Variants in TRPC7 observed in about 807,000 individuals in gnomAD.
TRPC7 encodes the protein short transient receptor potential channel 7.
TRPC7 carries 42 observed loss-of-function variants against 90.1 expected under a neutral mutation model. That is an observed-to-expected ratio of 0.47 (90% CI 0.36 to 0.60). The LOEUF (loss-of-function observed/expected upper bound fraction) is 0.60. TRPC7 is among the 20% of genes least tolerant of loss of function. The probability of loss-of-function intolerance (pLI) is 0.00; values close to 1 mark genes in which losing one functional copy is unlikely to be tolerated. For missense variants in TRPC7, 955 were observed against 1,112.3 expected (o/e 0.86, Z 2.01); for synonymous variants, 451 against 436.3 (o/e 1.03, Z -0.42).
intron 3 of TRPC7, among the ~76,000 whole-genome samples, chr5:136,299,341 G>A (rs1355604608): frequency 3.2e-5 from 1 of 31,674 alleles, no homozygotes; most frequent in African/African-American, 2.2e-4. Context: ...GGGTGTGTGC[G>A]TGTGTGTGTG....
intron 10 of TRPC7, among the ~76,000 whole-genome samples, chr5:136,217,758 C>T (rs1455762156): frequency 1.3e-5 from 2 of 151,916 alleles, no homozygotes; most frequent in African/African-American, 4.8e-5. Flanking sequence ...GGCTCATGCC[C>T]ATAATCTCAG....
At chr5:136,292,944 C>G (rs1235981078) in intron 3 of TRPC7, among the ~76,000 whole-genome samples, 1 of 152,186 alleles carries the variant, frequency 6.6e-6, no homozygotes, top group Admixed American at 6.5e-5. Context: ...AGCTTATCCA[C>G]CATGATCAAG....
rs371987723 is a variant in TRPC7 at position 136,356,935 on chromosome 5, G to A, written c.453C>T (p.Phe151=). The part of the protein sequence containing the change: ...PLEQELRDDD[F]YAYDEDGTRF... ...GCGTGCCGTCCTCGTCGTAGGCATA[G>A]AAGTCGTCGTCGCGCAGCTCCTGTT... The change falls in exon 2 of 12, where the codon TTC becomes TTT. Residue 151 remains phenylalanine, a synonymous_variant. Transcript: ENST00000513104. The A allele has an allele frequency of 1.3e-4, 213 of 1,613,404 alleles. 1 individual carries two copies. In the African/African-American group the frequency reaches 2.6e-3, roughly 20 times the overall value.
chr5:136,319,385 T>C (rs74798528), intron 2 of TRPC7, among the ~76,000 whole-genome samples: 4,286 of 152,036 alleles, frequency 0.028, 94 homozygotes, highest in African/African-American at 0.053. Flanking sequence ...GATGTGGCAA[T>C]CTTCCTTTCT....
intron 8 of TRPC7, among the ~76,000 whole-genome samples, chr5:136,230,715 T>G (rs750756570): frequency 6.6e-6 from 1 of 152,200 alleles, no homozygotes; most frequent in Non-Finnish European, 1.5e-5. Context: ...TTTTGATAAA[T>G]TGCTTCCTGA....
At chr5:136,360,882 A>C (rs943351223) in intron 1 of TRPC7, among the ~76,000 whole-genome samples, 3 of 152,114 alleles carry the variant, frequency 2.0e-5, no homozygotes, top group Non-Finnish European at 4.4e-5. Flanking sequence ...TCTTACCCTA[A>C]TATCCCTCTA....
intron 2 of TRPC7, among the ~76,000 whole-genome samples, chr5:136,349,492 C>A (rs1261452953): frequency 6.6e-6 from 1 of 152,142 alleles, no homozygotes; most frequent in East Asian, 1.9e-4. Flanking sequence ...ATTAATAGTG[C>A]TTATTGTGTA....
intron 2 of TRPC7, among the ~76,000 whole-genome samples, chr5:136,326,884 A>G (rs760698938): frequency 1.2e-4 from 18 of 152,264 alleles, no homozygotes; most frequent in Non-Finnish European, 2.5e-4. Context: ...TGATGGGGAG[A>G]GGGAAAGTGA....
chr5:136,312,996 T>A (rs966451047), intron 3 of TRPC7, among the ~76,000 whole-genome samples: 2 of 139,962 alleles, frequency 1.4e-5, no homozygotes, highest in African/African-American at 5.2e-5. Context: ...TTTTTTTTTT[T>A]AATAGAGACA....
At chr5:136,348,907 C>T (rs1157311679) in intron 2 of TRPC7, among the ~76,000 whole-genome samples, 1 of 152,098 alleles carries the variant, frequency 6.6e-6, no homozygotes, top group African/African-American at 2.4e-5. Context: ...AGAGAAAAAT[C>T]TCTGCATTGC....
chr5:136,250,572 C>A (rs924449539), intron 6 of TRPC7, among the ~76,000 whole-genome samples: 1 of 152,086 alleles, frequency 6.6e-6, no homozygotes, highest in Non-Finnish European at 1.5e-5. Context: ...AAGAAAATGA[C>A]CCAAAAGGTA....
At chr5:136,304,208 A>G (rs905984397) in intron 3 of TRPC7, among the ~76,000 whole-genome samples, 1 of 151,604 alleles carries the variant, frequency 6.6e-6, no homozygotes, top group Non-Finnish European at 1.5e-5. Context: ...GCCCACAAGT[A>G]TAAGATACCT....
chr5:136,296,766 C>T (rs570867310), intron 3 of TRPC7, among the ~76,000 whole-genome samples: 1 of 152,232 alleles, frequency 6.6e-6, no homozygotes, highest in East Asian at 1.9e-4. Context: ...TTTTAAATAG[C>T]TTCCTTATTT....
chr5:136,214,760 G>A (rs1755206336), intron 11 of TRPC7, among the ~76,000 whole-genome samples: 1 of 152,190 alleles, frequency 6.6e-6, no homozygotes, highest in Non-Finnish European at 1.5e-5. Flanking sequence ...GCCCCAGGAT[G>A]AAGCAGAGGG....
intron 2 of TRPC7, among the ~76,000 whole-genome samples, chr5:136,347,037 C>G (rs897982189): frequency 6.6e-6 from 1 of 152,096 alleles, no homozygotes; most frequent in African/African-American, 2.4e-5. Context: ...ATAACAGAGG[C>G]AGAGACTGGA....
chr5:136,240,689 C>T (rs1188069419), intron 7 of TRPC7, among the ~76,000 whole-genome samples: 1 of 152,044 alleles, frequency 6.6e-6, no homozygotes, highest in Non-Finnish European at 1.5e-5. Flanking sequence ...AATTTTAGGC[C>T]TAAGGTGGAG....
At chr5:136,321,029 G>T (rs1357081859) in intron 2 of TRPC7, among the ~76,000 whole-genome samples, 1 of 152,100 alleles carries the variant, frequency 6.6e-6, no homozygotes, top group Non-Finnish European at 1.5e-5. Flanking sequence ...TATATCCTGA[G>T]ATCCTAGAAC....
intron 2 of TRPC7, among the ~76,000 whole-genome samples, chr5:136,352,827 A>G (rs1760240865): frequency 6.6e-6 from 1 of 152,192 alleles, no homozygotes; most frequent in African/African-American, 2.4e-5. Flanking sequence ...ACAGCTATTT[A>G]ATGTGTATGG....
At chr5:136,228,564 A>G (rs1309067406) in intron 8 of TRPC7, among the ~76,000 whole-genome samples, 1 of 148,428 alleles carries the variant, frequency 6.7e-6, no homozygotes, top group Non-Finnish European at 1.5e-5. Flanking sequence ...AGGCGGGATG[A>G]GCAGAATGGA....
Sources: allele counts gnomAD v4.1 joint callset (sites outside exome capture counted in the v4.1 genomes callset), GRCh38; gene constraint gnomAD v4.1.1; transcripts MANE v1.5; gene names NCBI Gene and HGNC (gene_info 2026-07-23, HGNC 2026-07-21).